The following KDM5A variants were observed in gnomAD, a reference collection of about 807,000 sequenced individuals.
KDM5A encodes lysine-specific demethylase 5A.
In KDM5A, 42 loss-of-function variants were observed where a neutral mutation model predicts 193.5. That is an observed-to-expected ratio of 0.22 (90% CI 0.17 to 0.28). The LOEUF (loss-of-function observed/expected upper bound fraction) is 0.28. KDM5A is among the 10% of genes least tolerant of loss of function. The pLI is 1.00. For synonymous variants in KDM5A, 796 were observed against 718.1 expected (o/e 1.11, Z -1.73); for missense variants, 1,692 against 2,055.1 (o/e 0.82, Z 3.42).
chr12:281,423 C>T lies in KDM5A; in HGVS notation c.*4033G>A, dbSNP rs1347329544. 3 of 233,058 alleles carry T rather than the reference C, an allele frequency of 1.3e-5. No individual in the cohort carries two copies. Among genetic ancestry groups the T allele is most frequent in the Non-Finnish European group, 2.5e-5 (3 of 118,016 alleles). 14.4% of individuals were successfully genotyped at this position (233,058 alleles called of 1,614,324 possible). ...TTGCATAGTGGTGACTGGATATGAT[C>T]CAGGCCAAGACAAGACCAAAATTCA... On this transcript the variant is annotated 3_prime_UTR_variant, in exon 28 of 28. Transcript: ENST00000399788.
intron 25 of KDM5A, among the ~76,000 whole-genome samples, chr12:296,614 GA>G (rs1943377655): frequency 6.6e-6 from 1 of 152,124 alleles, no homozygotes; most frequent in African/African-American, 2.4e-5. Context: ...CTGAGGGACA[GA>G]AAAATTAACA....
chr12:307,226 A>G lies in KDM5A; in HGVS notation c.3931-137T>C. Reference sequence around the variant, plus strand: ...GTTCTTCAACAGTTAGTAGAAATCAAATTATTTGATTATGATGCCAAAGTC... The same window carrying G: ...GTTCTTCAACAGTTAGTAGAAATCAGATTATTTGATTATGATGCCAAAGTC... On this transcript the variant is annotated intron_variant, in intron 23 of 27. Coordinates refer to ENST00000399788, the MANE Select transcript of KDM5A (RefSeq NM_001042603.3). The surrounding 1 kb of genome is among the most constrained non-coding windows in gnomAD (Gnocchi z 4.3). 2 of 1,120,152 alleles carry G rather than the reference A, an allele frequency of 1.8e-6. No individual in the cohort carries two copies. Among genetic ancestry groups the G allele is most frequent in the Non-Finnish European group, 2.6e-6 (2 of 758,748 alleles). 69.4% of individuals were successfully genotyped at this position (1,120,152 alleles called of 1,614,324 possible).
chr12:362,950 A>C lies in KDM5A; in HGVS notation c.672+13T>G. ...TTTATTTAAAAATTTAAAAAAGCCC[A>C]AGACATTGATACCTGAGTCTTCACA... On this transcript the variant is annotated intron_variant, in intron 5 of 27. Coordinates refer to ENST00000399788, the MANE Select transcript of KDM5A (RefSeq NM_001042603.3). 6.2e-7 allele frequency: 1 copy of C among 1,613,766 alleles called. No individual in the cohort carries two copies. Among genetic ancestry groups the C allele is most frequent in the Non-Finnish European group, 8.5e-7 (1 of 1,179,656 alleles).
intron 7 of KDM5A, 79 bp downstream of exon 7, chr12:355,079 C>A: frequency 1.2e-6 from 1 of 858,648 alleles, no homozygotes; most frequent in African/African-American, 1.7e-5. Flanking sequence ...AAACACATAC[C>A]ATGATATATC....
rs1326394559 is a variant in KDM5A, at chr12:295,643, G to C, written c.4385C>G (p.Thr1462Ser). The C allele has an allele frequency of 1.1e-5, 18 of 1,614,144 alleles. No homozygotes were observed. The highest frequency in any genetic ancestry group is 1.5e-5 in the Non-Finnish European group (18 of 1,179,996). ...CTGCAAAATCCGCCATATGTGTTGA[G>C]TCTCGTCCAGAGATACTTCCAGGAG... ...GDLLEVSLDE[T>S]QHIWRILQAT... is the part of the protein sequence containing the mutation. The change falls in exon 26 of 28, where the codon ACT (threonine) becomes AGT (serine). Residue 1462 changes from threonine (T) to serine (S), a missense_variant. Physicochemically the swap from Thr to Ser is moderately conservative, Grantham distance 58. Transcript: ENST00000399788.
At chr12:359,733 C>T (rs867324140) in intron 5 of KDM5A, among the ~76,000 whole-genome samples, 14 of 118,780 alleles carry the variant, frequency 1.2e-4, no homozygotes, top group African/African-American at 4.2e-4. Flanking sequence ...CAGAGCCACA[C>T]ACTGCCTCAA....
Position 307,825 on chromosome 12 carries a change from T to A in KDM5A, c.3559A>T (p.Ser1187Cys), listed in dbSNP as rs200366427. The A allele has an allele frequency of 8.7e-5, 140 of 1,614,096 alleles. No homozygotes were observed. Among genetic ancestry groups the A allele is most frequent in the Non-Finnish European group, 1.5e-5 (18 of 1,180,048 alleles). Residue 1187 changes from serine to cysteine, a missense_variant, in exon 23 of 28, where the codon AGC becomes TGC. Physicochemically the swap from Ser to Cys is moderately radical, Grantham distance 112. Coordinates refer to ENST00000399788, the MANE Select transcript of KDM5A (RefSeq NM_001042603.3). This position sits in a 1 kb window ranked among gnomAD's most constrained non-coding sequence, Gnocchi z 4.3. ...CELCKDWFHN[S>C]CVPLPKSSSQ... The stretch of plus-strand genomic sequence containing the variant: ...CTTGATTTAGGAAGAGGAACACAGC[T>A]GTTATGGAACCAGTCTTTGCAGAGC...
intron 10 of KDM5A, among the ~76,000 whole-genome samples, chr12:346,206 G>C (rs577693330): frequency 6.6e-6 from 1 of 152,256 alleles, no homozygotes; most frequent in Admixed American, 6.5e-5. Context: ...ACTCTCCCAA[G>C]ACTAAACCAG....
intron 27 of KDM5A, among the ~76,000 whole-genome samples, chr12:292,415 T>C (rs988372716): frequency 4.6e-5 from 7 of 152,158 alleles, no homozygotes; most frequent in Admixed American, 3.3e-4. Flanking sequence ...CGACAAGGTA[T>C]TTAGTTCTCT....
chr12:309,321 C>G (rs1162368732), intron 22 of KDM5A, among the ~76,000 whole-genome samples: 1 of 152,130 alleles, frequency 6.6e-6, no homozygotes, highest in African/African-American at 2.4e-5. Flanking sequence ...AGGTTTAGCT[C>G]GAATTTTCTC....
chr12:327,508 G>C (rs911105775), intron 14 of KDM5A, among the ~76,000 whole-genome samples: 4 of 152,150 alleles, frequency 2.6e-5, no homozygotes, highest in African/African-American at 9.7e-5. Context: ...TCAGGAGCTT[G>C]AGACCAGCCT....
chr12:323,462 T>C (rs1045917618), intron 15 of KDM5A, 138 bp downstream of exon 15: 5 of 960,946 alleles, frequency 5.2e-6, no homozygotes, highest in Middle Eastern at 3.3e-4. Flanking sequence ...TTTAAGGGAC[T>C]GGTCTTCAAG....
In KDM5A at chr12:389,116, G is replaced by GTC; in HGVS notation, c.-27_-26dup. On this transcript the variant is annotated 5_prime_UTR_variant, in exon 1 of 28. Coordinates refer to ENST00000399788, the MANE Select transcript of KDM5A (RefSeq NM_001042603.3). ...TTGCAACGGCCGGGGGGGGGGGGGG[G>GTC]TCCCCGTGGGGAACCGGTGGAGAAA... 1 of 1,276,438 alleles carries GTC rather than the reference G, an allele frequency of 7.8e-7. No homozygotes were observed. 79.1% of individuals were successfully genotyped at this position (1,276,438 alleles called of 1,614,324 possible).
At chr12:362,408 A>C (rs1437199805) in intron 5 of KDM5A, among the ~76,000 whole-genome samples, 1 of 152,228 alleles carries the variant, frequency 6.6e-6, no homozygotes, top group Non-Finnish European at 1.5e-5. Flanking sequence ...ATTTTAGGTT[A>C]CATGAACACT....
Position 322,527 on chromosome 12 carries a change from A to G in KDM5A, c.2316T>C (p.Asp772=). Residue 772 remains aspartate, a synonymous_variant, in exon 17 of 28, where the codon GAT becomes GAC. Transcript: ENST00000399788. ...AGAGATCATTCTCTGGGTATTTCCTATCCTCAGCATCTTCCAGCATTACTC... is the reference window on the plus strand; with the variant it reads ...AGAGATCATTCTCTGGGTATTTCCTGTCCTCAGCATCTTCCAGCATTACTC... ...ELRVMLEDAE[D]RKYPENDLFR... 3.7e-6 allele frequency: 6 copies of G among 1,613,202 alleles called. No homozygotes were observed. The highest frequency in any genetic ancestry group is 2.2e-5 in the East Asian group (1 of 44,878).
intron 10 of KDM5A, among the ~76,000 whole-genome samples, chr12:349,330 C>CTTTTTTTTTTT (rs749540223): frequency 8.5e-6 from 1 of 117,698 alleles, no homozygotes; most frequent in Admixed American, 9.0e-5. Flanking sequence ...ATCTTCTAGA[C>CTTTTTTTTTTT]TTTTTTTTTT....
intron 25 of KDM5A, among the ~76,000 whole-genome samples, chr12:296,532 A>T (rs1943376562): frequency 6.6e-6 from 1 of 152,108 alleles, no homozygotes; most frequent in Non-Finnish European, 1.5e-5. Flanking sequence ...TAAAATCCTG[A>T]ATTTTATTAT....
intron 19 of KDM5A, 85 bp downstream of exon 19, chr12:318,021 A>G (rs117722048): frequency 0.021 from 21,660 of 1,043,004 alleles, 1,128 homozygotes; most frequent in South Asian, 0.14. Context: ...AAGTCATTTA[A>G]TGAAATAAGC....
In KDM5A at chr12:318,370, A is replaced by T; in HGVS notation, c.2633T>A (p.Ile878Lys). 1 of 1,614,156 alleles carries T rather than the reference A, an allele frequency of 6.2e-7. No individual in the cohort carries two copies. Among genetic ancestry groups the T allele is most frequent in the South Asian group, 1.1e-5 (1 of 91,076 alleles). The part of the protein sequence containing the change: ...TPDSSKLQML[I>K]DMGSSLYVEL... ...CACATAGAGACTAGAGCCCATATCTATCAACATCTGGAGTTTGGAAGAATC... is the reference window on the plus strand; with the variant it reads ...CACATAGAGACTAGAGCCCATATCTTTCAACATCTGGAGTTTGGAAGAATC... Residue 878 changes from isoleucine (I) to lysine (K), a missense_variant, in exon 19 of 28, where the codon ATA becomes AAA. Around this residue, in one of 11 missense-constraint regions of KDM5A, gnomAD observed 965 missense variants for 1,061.0 expected, o/e 0.91. Coordinates refer to ENST00000399788, the MANE Select transcript of KDM5A (RefSeq NM_001042603.3).
Sources: gnomAD v4.1 joint callset for allele counts (sites outside exome capture counted in the v4.1 genomes callset) on GRCh38, gnomAD v4.1.1 for gene constraint, gnomAD v4.1.1 regional missense constraint, Gnocchi (gnomAD v3.1) non-coding constraint, MANE v1.5 for transcripts, NCBI Gene and HGNC (gene_info 2026-07-23, HGNC 2026-07-21) for gene names.